Variants in MYOM1 observed in about 807,000 individuals in gnomAD.
MYOM1 encodes the protein myomesin 1, also known as myomesin-1.
Under a neutral mutation model 205.3 loss-of-function variants are expected in MYOM1, and 164 were observed. The observed-to-expected ratio is 0.80, with a 90% CI of 0.70 to 0.91. MYOM1 has a LOEUF of 0.91. Ranked by LOEUF, MYOM1 falls within the 40% of genes least tolerant of loss-of-function variation. The pLI is 0.00. For missense variants in MYOM1, 2,011 were observed against 2,127.3 expected (o/e 0.95, Z 1.08); for synonymous variants, 772 against 789.4 (o/e 0.98, Z 0.37).
chr18:3,124,469 T>C (rs1221516968), intron 19 of MYOM1, among the ~76,000 whole-genome samples: 3 of 149,640 alleles, frequency 2.0e-5, no homozygotes, highest in African/African-American at 7.6e-5. Flanking sequence ...CCCGAGGAGC[T>C]GAGTGCCCGC....
upstream of MYOM1, among the ~76,000 whole-genome samples, chr18:3,220,287 A>G (rs1176331925): frequency 3.9e-5 from 6 of 152,258 alleles, no homozygotes; most frequent in African/African-American, 1.4e-4. Flanking sequence ...TGGAATTTTA[A>G]TGCCAAGATA....
At chr18:3,138,395 AG>A (rs2080001805) in intron 14 of MYOM1, among the ~76,000 whole-genome samples, 1 of 152,178 alleles carries the variant, frequency 6.6e-6, no homozygotes, top group African/African-American at 2.4e-5. Flanking sequence ...CATGGCATAG[AG>A]GAGACAAAGG....
At chr18:3,089,106 G>T in intron 29 of MYOM1, 68 bp downstream of exon 29, 1 of 1,138,128 alleles carries the variant, frequency 8.8e-7, no homozygotes, top group Non-Finnish European at 1.3e-6. Flanking sequence ...GAAAAATTGA[G>T]CTTCCTCTTC....
the MYOM1 span, among the ~76,000 whole-genome samples, chr18:3,241,347 C>T: frequency 2.0e-5 from 3 of 152,146 alleles, no homozygotes; most frequent in South Asian, 2.1e-4. Context: ...GGACTTGGTG[C>T]CCTGCATCCC....
chr18:3,122,512 A>T (rs1165224934), intron 19 of MYOM1, among the ~76,000 whole-genome samples: 2 of 152,214 alleles, frequency 1.3e-5, no homozygotes, highest in Non-Finnish European at 2.9e-5. Flanking sequence ...ATGATGTGTG[A>T]ATTATATCTT....
chr18:3,211,138 A>C (rs2081186197), intron 2 of MYOM1, among the ~76,000 whole-genome samples: 1 of 152,254 alleles, frequency 6.6e-6, no homozygotes, highest in African/African-American at 2.4e-5. Flanking sequence ...CACTCTACTT[A>C]GAAGAATAAG....
chr18:3,071,941 C>G, intron 36 of MYOM1, 52 bp from the exon 37 acceptor site: 3 of 1,533,104 alleles, frequency 2.0e-6, no homozygotes, highest in Middle Eastern at 1.7e-4. Flanking sequence ...GGCCAGCGGT[C>G]ATACTCACAA....
chr18:3,191,756 C>T (rs1382616735), intron 3 of MYOM1, among the ~76,000 whole-genome samples: 6 of 150,644 alleles, frequency 4.0e-5, no homozygotes, highest in Non-Finnish European at 8.8e-5. Context: ...AGTGCAGTGG[C>T]GTGATCTCAG....
chr18:3,204,023 T>G (rs565485324), intron 2 of MYOM1, among the ~76,000 whole-genome samples: 2 of 151,962 alleles, frequency 1.3e-5, no homozygotes, highest in Non-Finnish European at 2.9e-5. Flanking sequence ...ATCATCTCAA[T>G]AGATGCAGAA....
At chr18:3,070,317 T>C (rs567571290) in intron 37 of MYOM1, among the ~76,000 whole-genome samples, 84 of 152,170 alleles carry the variant, frequency 5.5e-4, no homozygotes, top group Non-Finnish European at 1.0e-3. Context: ...CCCAGCTGAC[T>C]TTTAAAAATT....
At position 3,187,559 on chromosome 18, in the gene MYOM1, G is replaced by A. The variant is rs1001422774; in HGVS notation, c.850C>T (p.Arg284Cys). The change falls in exon 5 of 38, where the codon CGC (arginine) becomes TGC (cysteine). Residue 284 changes from arginine (R) to cysteine (C), a missense_variant. Physicochemically the swap from Arg to Cys is radical, Grantham distance 180. Coordinates refer to ENST00000356443, the MANE Select transcript of MYOM1 (RefSeq NM_003803.4). Reference protein sequence around the residue: ...LHAPEFIIKPRSHTVWEKENV... With the variant: ...LHAPEFIIKPCSHTVWEKENV... ...TCCTTCTCCCAAACCGTGTGGGAGCGAGGTTTAATGATAAACTCAGGAGCA... is the reference window on the plus strand; with the variant it reads ...TCCTTCTCCCAAACCGTGTGGGAGCAAGGTTTAATGATAAACTCAGGAGCA... 19 of 1,613,622 alleles carry A rather than the reference G, an allele frequency of 1.2e-5. No individual in the cohort carries two copies. The highest frequency in any genetic ancestry group is 8.0e-5 in the African/African-American group (6 of 74,876).
Position 3,154,948 on chromosome 18 carries a change from T to G in MYOM1, c.1642A>C (p.Lys548Gln). Residue 548 changes from lysine (K) to glutamine (Q), a missense_variant and splice_region_variant, in exon 11 of 38, where the codon AAG becomes CAG. Coordinates refer to ENST00000356443, the MANE Select transcript of MYOM1 (RefSeq NM_003803.4). ...GSPILGYFID[K>Q]CEVGTDSWSQ... is the part of the protein sequence containing the mutation. ...ATTGATGTTAGCCTAAGCACTAACT[T>G]ATCAATAAAATATCCGAGAATAGGA... 6.2e-7 allele frequency: 1 copy of G among 1,610,172 alleles called. No homozygotes were observed. Among genetic ancestry groups the G allele is most frequent in the Non-Finnish European group, 8.5e-7 (1 of 1,178,084 alleles).
At chr18:3,181,731 A>AC (rs1250667458) in intron 5 of MYOM1, among the ~76,000 whole-genome samples, 1 of 77,000 alleles carries the variant, frequency 1.3e-5, no homozygotes, top group East Asian at 3.8e-4. Flanking sequence ...GAAACTGAAT[A>AC]ATTTTTTTTT....
chr18:3,174,006 G>A lies in MYOM1; in HGVS notation c.1112-6C>T, dbSNP rs919754167. The A allele has an allele frequency of 2.5e-6, 4 of 1,612,730 alleles. No homozygotes were observed. Among genetic ancestry groups the A allele is most frequent in the Non-Finnish European group, 3.4e-6 (4 of 1,179,008 alleles). Reference sequence around the variant, plus strand: ...ATCAAACTCTCCCTTATACCCTAGAGAAGAAAACAGAAACGCATGTGAACT... The same window carrying A: ...ATCAAACTCTCCCTTATACCCTAGAAAAGAAAACAGAAACGCATGTGAACT... On this transcript the variant is annotated splice_polypyrimidine_tract_variant and splice_region_variant and intron_variant, in intron 7 of 37. Transcript: ENST00000356443.
At chr18:3,180,506 A>G (rs2080714456) in intron 5 of MYOM1, among the ~76,000 whole-genome samples, 1 of 152,214 alleles carries the variant, frequency 6.6e-6, no homozygotes, top group Non-Finnish European at 1.5e-5. Context: ...AAGTCAGGGA[A>G]GAAAAGAAGG....
rs555251381 is a variant in MYOM1 at position 3,082,013 on chromosome 18, G to C, written c.4484+1776C>G. Among the ~76,000 whole-genome samples the C allele has an allele frequency of 2.1e-3, 319 of 152,284 alleles. 1 individual carries two copies. The highest frequency in any genetic ancestry group is 3.5e-3 in the Non-Finnish European group (237 of 68,014). On this transcript the variant is annotated intron_variant, in intron 33 of 37. Coordinates refer to ENST00000356443, the MANE Select transcript of MYOM1 (RefSeq NM_003803.4). ...CCAGGTCGGGGGTGGGTTTGGGGAT[G>C]ACTCAAGCACATAACATTTATCATC...
At chr18:3,094,612 T>C (rs1220776577) in intron 25 of MYOM1, among the ~76,000 whole-genome samples, 1 of 152,144 alleles carries the variant, frequency 6.6e-6, no homozygotes, top group Non-Finnish European at 1.5e-5. Context: ...CACTTGTAGC[T>C]AATATCTGTA....
the MYOM1 span, among the ~76,000 whole-genome samples, chr18:3,225,314 C>T: frequency 0.052 from 7,963 of 152,228 alleles, 476 homozygotes; most frequent in African/African-American, 0.15. Context: ...CTTCATTAGT[C>T]GCCCATACTT....
intron 25 of MYOM1, among the ~76,000 whole-genome samples, chr18:3,097,531 C>T (rs1231614496): frequency 6.6e-6 from 1 of 152,114 alleles, no homozygotes; most frequent in Admixed American, 6.6e-5. Flanking sequence ...TCAAGTGATC[C>T]TCCCGCCTCA....
Sources: allele counts gnomAD v4.1 joint callset (sites outside exome capture counted in the v4.1 genomes callset), GRCh38; gene constraint gnomAD v4.1.1; transcripts MANE v1.5; gene names NCBI Gene and HGNC (gene_info 2026-07-23, HGNC 2026-07-21).